STAT3: variants seen among roughly 807,000 people sequenced by gnomAD.
STAT3 encodes signal transducer and activator of transcription 3.
STAT3 carries 7 observed loss-of-function variants against 114.3 expected under a neutral mutation model. The observed-to-expected ratio is 0.06, with a 90% CI of 0.03 to 0.11. The LOEUF (loss-of-function observed/expected upper bound fraction) is 0.11, where lower values mean the gene tolerates loss of function less well. STAT3 is among the 10% of genes least tolerant of loss of function. STAT3 has a pLI of 1.00. For missense variants in STAT3, 364 were observed against 960.9 expected (o/e 0.38, Z 8.21); for synonymous variants, 331 against 354.5 (o/e 0.93, Z 0.74).
chr17:42,336,969 A>C (rs1205144614), intron 8 of STAT3, among the ~76,000 whole-genome samples: 1 of 151,924 alleles, frequency 6.6e-6, no homozygotes, highest in Non-Finnish European at 1.5e-5. Context: ...TAAAGTAAAA[A>C]CTTTATTTTA....
At chr17:42,349,783 G>A (rs555842945) in intron 1 of STAT3, among the ~76,000 whole-genome samples, 1 of 152,322 alleles carries the variant, frequency 6.6e-6, no homozygotes, top group East Asian at 1.9e-4. Flanking sequence ...TAGGCCAGGC[G>A]CAGTGGCTTA....
At chr17:42,361,899 G>T (rs72823023) in intron 1 of STAT3, among the ~76,000 whole-genome samples, 2 of 152,178 alleles carry the variant, frequency 1.3e-5, no homozygotes, top group Non-Finnish European at 2.9e-5. Flanking sequence ...GGAGGTCGTG[G>T]CTGCCCAATT....
At chr17:42,319,698 AAGAG>A (rs1055777425) in intron 21 of STAT3, among the ~76,000 whole-genome samples, 23 of 151,938 alleles carry the variant, frequency 1.5e-4, no homozygotes, top group African/African-American at 4.6e-4. Flanking sequence ...GTAGAGAAGG[AAGAG>A]AGAAGAGTCT....
At chr17:42,376,555 A>C (rs1468179863) in intron 1 of STAT3, among the ~76,000 whole-genome samples, 2 of 151,374 alleles carry the variant, frequency 1.3e-5, no homozygotes, top group African/African-American at 2.4e-5. Flanking sequence ...CAAAAAAAAA[A>C]AAAAAAACCG....
rs779733888 is a variant in STAT3 at position 42,333,920 on chromosome 17, G to A, written c.927C>T (p.Ile309=). The A allele has an allele frequency of 1.4e-5, 22 of 1,614,028 alleles. No homozygotes were observed. Among genetic ancestry groups the A allele is most frequent in the East Asian group, 2.2e-5 (1 of 44,884 alleles). ...VQHRPMLEER[I]VELFRNLMKS... ...TCATTAAGTTTCTAAACAGCTCCAC[G>A]ATTCTCTCCTCCAGCATCGGCCGGT... Residue 309 remains isoleucine, a synonymous_variant, in exon 9 of 24, where the codon ATC becomes ATT. Coordinates refer to ENST00000264657, the MANE Select transcript of STAT3 (RefSeq NM_139276.3). This position sits in a 1 kb window ranked among gnomAD's most constrained non-coding sequence, Gnocchi z 5.2.
At chr17:42,331,370 A>C (rs938207657) in intron 11 of STAT3, 102 bp downstream of exon 11, 1 of 1,089,528 alleles carries the variant, frequency 9.2e-7, no homozygotes, top group African/African-American at 1.6e-5. Flanking sequence ...CAAAATGAAG[A>C]TCTCTGAATA....
rs1266691914 is a variant in STAT3, at chr17:42,351,143, AAAAAG to A, written c.-23-2609_-23-2605del. On this transcript the variant is annotated intron_variant, in intron 1 of 23. Transcript: ENST00000264657. ...AGACTCCATCTCAAAAAAAAAAAAA[AAAAAG>A]AAAAGAAAAGAAACAGGTGAAATTA... 2.6e-3 allele frequency among the ~76,000 whole-genome samples: 399 copies of A among 151,540 alleles called. 2 individuals are homozygous for A. The highest frequency in any genetic ancestry group is 8.3e-3 in the South Asian group (40 of 4,806).
At chr17:42,344,718 C>CAA (rs927425754) in intron 4 of STAT3, among the ~76,000 whole-genome samples, 4 of 99,920 alleles carry the variant, frequency 4.0e-5, no homozygotes, top group East Asian at 2.9e-4. Context: ...GACTCTGTCT[C>CAA]AAAAAAAAAA....
At chr17:42,327,734 G>A (rs533492215) in intron 14 of STAT3, among the ~76,000 whole-genome samples, 118 of 152,272 alleles carry the variant, frequency 7.7e-4, no homozygotes, top group Non-Finnish European at 6.2e-4. Flanking sequence ...TTAAGTAAGA[G>A]TTGTCAATGA....
At chr17:42,373,749 G>C (rs945619260) in intron 1 of STAT3, among the ~76,000 whole-genome samples, 1 of 151,686 alleles carries the variant, frequency 6.6e-6, no homozygotes, top group East Asian at 1.9e-4. Flanking sequence ...GCCGGGCATC[G>C]TGGCGGGCGC....
rs1423393294 is a variant in STAT3, at chr17:42,354,434, C to T, written c.-23-5895G>A. Among the ~76,000 whole-genome samples the T allele has an allele frequency of 2.0e-5, 3 of 150,852 alleles. No individual in the cohort carries two copies. In the East Asian group the frequency reaches 5.9e-4, roughly 30 times the overall value. On this transcript the variant is annotated intron_variant, in intron 1 of 23. Transcript: ENST00000264657. ...CCGCCCGCCTCGGCCTCCCAAACTG[C>T]TGGGAGTACAAGCGCAAGTCATGGC...
rs563376741 is a variant in STAT3, at chr17:42,323,169, T to C, written c.1749-26A>G. 5.0e-6 allele frequency: 8 copies of C among 1,614,232 alleles called. No homozygotes were observed. The Admixed American group carries it at 1.3e-4, about 27-fold the overall frequency. ...CTGGAGCCAAGGAGGAGGAACAATG[T>C]TGTTATTGCTAACAGGGCATCCATC... On this transcript the variant is annotated intron_variant, in intron 19 of 23. Transcript: ENST00000264657.
chr17:42,346,455 A>G (rs982510842), intron 3 of STAT3, 114 bp downstream of exon 3: 1 of 1,482,196 alleles, frequency 6.7e-7, no homozygotes, highest in Non-Finnish European at 9.3e-7. Context: ...GATTGAAAAT[A>G]CAAGATAGAT....
intron 1 of STAT3, among the ~76,000 whole-genome samples, chr17:42,366,134 C>T (rs1288678754): frequency 6.6e-6 from 1 of 152,144 alleles, no homozygotes; most frequent in East Asian, 1.9e-4. Flanking sequence ...ATATCTCCAC[C>T]TGGATGTCTA....
chr17:42,346,606 T>C lies in STAT3; in HGVS notation c.236A>G (p.Tyr79Cys), dbSNP rs1281834571. ...SRFLQESNVL[Y>C]QHNLRRIKQF... ...CTTGATTCTTCGTAGATTGTGCTGA[T>C]AGAGAACATTCGACTCTTGCAGGAA... Residue 79 changes from tyrosine (Y) to cysteine (C), a missense_variant, in exon 3 of 24, where the codon TAT (tyrosine) becomes TGT (cysteine). Transcript: ENST00000264657. 1 of 1,614,186 alleles carries C rather than the reference T, an allele frequency of 6.2e-7. No individual in the cohort carries two copies. The highest frequency in any genetic ancestry group is 8.5e-7 in the Non-Finnish European group (1 of 1,180,030).
At chr17:42,377,946 T>C (rs1310244457) in intron 1 of STAT3, among the ~76,000 whole-genome samples, 1 of 151,696 alleles carries the variant, frequency 6.6e-6, no homozygotes, top group Non-Finnish European at 1.5e-5. Flanking sequence ...GGGGCACTGC[T>C]GACCCAGGAC....
At chr17:42,343,371 T>C (rs2082536416) in intron 4 of STAT3, among the ~76,000 whole-genome samples, 1 of 151,828 alleles carries the variant, frequency 6.6e-6, no homozygotes, top group African/African-American at 2.4e-5. Context: ...ATTTAGTATA[T>C]GTGTTTCCAG....
chr17:42,370,760 A>T (rs1158895494), intron 1 of STAT3, among the ~76,000 whole-genome samples: 1 of 143,682 alleles, frequency 7.0e-6, no homozygotes, highest in African/African-American at 2.6e-5. Flanking sequence ...GCACCACAAC[A>T]CCCAGCTAAT....
intron 1 of STAT3, among the ~76,000 whole-genome samples, chr17:42,372,917 C>T (rs887079518): frequency 2.6e-5 from 4 of 151,938 alleles, no homozygotes; most frequent in South Asian, 2.1e-4. Flanking sequence ...AATAATGTAT[C>T]GAGTTGGTTC....
Sources: gnomAD v4.1 joint callset for allele counts (sites outside exome capture counted in the v4.1 genomes callset) on GRCh38, gnomAD v4.1.1 for gene constraint, Gnocchi (gnomAD v3.1) non-coding constraint, MANE v1.5 for transcripts, NCBI Gene and HGNC (gene_info 2026-07-23, HGNC 2026-07-21) for gene names.